CSMD1: variants seen among roughly 807,000 people sequenced by gnomAD.
CSMD1 encodes the protein CUB and Sushi multiple domains 1.
In CSMD1, 213 loss-of-function variants were observed where a neutral mutation model predicts 417.5. That is an observed-to-expected ratio of 0.51 (90% CI 0.46 to 0.57). The LOEUF (loss-of-function observed/expected upper bound fraction) is 0.57. Among genes scored for constraint, CSMD1 ranks in the 20% least tolerant of loss-of-function variants. The probability of loss-of-function intolerance (pLI) is 0.00; values close to 1 mark genes in which losing one functional copy is unlikely to be tolerated. For missense variants in CSMD1, 6,923 were observed against 4,529.7 expected, an observed-to-expected ratio of 1.53 and a Z score of -15.17; for synonymous variants, 2,862 against 1,736.8, an observed-to-expected ratio of 1.65 and a Z score of -16.11.
At chr8:3,446,774 G>A (rs1313201855) in intron 12 of CSMD1, among the ~76,000 whole-genome samples, 1 of 152,210 alleles carries the variant, frequency 6.6e-6, no homozygotes, top group Non-Finnish European at 1.5e-5. Context: ...GAATCCTGAC[G>A]TCGATGAAAT....
intron 5 of CSMD1, among the ~76,000 whole-genome samples, chr8:3,989,347 C>T (rs1264680789): frequency 6.6e-6 from 1 of 152,162 alleles, no homozygotes; most frequent in African/African-American, 2.4e-5. Context: ...CTTGGCTTAG[C>T]AACTATGCTT....
intron 6 of CSMD1, among the ~76,000 whole-genome samples, chr8:3,720,429 T>G (rs1802086417): frequency 6.6e-6 from 1 of 152,154 alleles, no homozygotes; most frequent in Admixed American, 6.6e-5. Flanking sequence ...TGTAAACTAT[T>G]TCCTTTAAGC....
chr8:3,275,066 C>G (rs141523919), intron 26 of CSMD1, among the ~76,000 whole-genome samples: 3 of 152,208 alleles, frequency 2.0e-5, no homozygotes, highest in East Asian at 3.9e-4. Context: ...GTGCCTGGTA[C>G]CTTTTGTTCC....
chr8:3,543,848 T>C (rs1488848680), intron 10 of CSMD1, among the ~76,000 whole-genome samples: 1 of 152,134 alleles, frequency 6.6e-6, no homozygotes, highest in African/African-American at 2.4e-5. Context: ...AGATGGATTG[T>C]ATTTGAAGCT....
intron 3 of CSMD1, among the ~76,000 whole-genome samples, chr8:4,087,855 T>G (rs1202189487): frequency 2.0e-5 from 3 of 152,306 alleles, no homozygotes; most frequent in Non-Finnish European, 4.4e-5. Context: ...CTACCTTACG[T>G]GACCTAGGTG....
chr8:3,067,417 G>C (rs1813008640), intron 49 of CSMD1, among the ~76,000 whole-genome samples: 1 of 152,036 alleles, frequency 6.6e-6, no homozygotes, highest in Non-Finnish European at 1.5e-5. Context: ...TTTCAAGTTG[G>C]AGGAGATTAT....
chr8:4,350,948 C>G (rs141861084), intron 3 of CSMD1, among the ~76,000 whole-genome samples: 66 of 152,258 alleles, frequency 4.3e-4, no homozygotes, highest in African/African-American at 1.6e-3. Context: ...TACTTGCTTT[C>G]TGCAAGTCAT....
At chr8:4,135,965 T>G (rs1803406751) in intron 3 of CSMD1, among the ~76,000 whole-genome samples, 1 of 152,150 alleles carries the variant, frequency 6.6e-6, no homozygotes, top group Non-Finnish European at 1.5e-5. Context: ...TTAAGTCAAA[T>G]ACTGTGGAAG....
chr8:3,439,309 A>ATATATATATATATATTTTTT lies in CSMD1; in HGVS notation c.1561+29402_1561+29403insAAAAAATATATATATATATA. Among the ~76,000 whole-genome samples, 44 of 62,410 alleles carry ATATATATATATATATTTTTT rather than the reference A, an allele frequency of 7.1e-4. 1 individual carries two copies. The highest frequency in any genetic ancestry group is 8.1e-4 in the Non-Finnish European group (28 of 34,774). 40.9% of individuals were successfully genotyped at this position (62,410 alleles called of 152,430 possible). On this transcript the variant is annotated intron_variant, in intron 12 of 69. Transcript: ENST00000635120. ...TATATATATATATATATATATATAT[A>ATATATATATATATATTTTTT]TTTTTTTTTTTAATATGTATTTTTA...
chr8:4,358,928 T>G (rs1337405524), intron 3 of CSMD1, among the ~76,000 whole-genome samples: 2 of 151,988 alleles, frequency 1.3e-5, no homozygotes, highest in African/African-American at 2.4e-5. Flanking sequence ...AAAAACTGAA[T>G]AATTAGTACA....
chr8:4,217,095 GC>G (rs1475982285), intron 3 of CSMD1, among the ~76,000 whole-genome samples: 1 of 152,170 alleles, frequency 6.6e-6, no homozygotes, highest in Non-Finnish European at 1.5e-5. Flanking sequence ...GTAGATAGGG[GC>G]TGACATTTTA....
chr8:3,776,989 C>T (rs1465113138), intron 5 of CSMD1, among the ~76,000 whole-genome samples: 2 of 151,926 alleles, frequency 1.3e-5, no homozygotes, highest in South Asian at 2.1e-4. Context: ...GCTGGGATTA[C>T]ATGCATGACC....
chr8:3,052,063 T>C (rs550200668), intron 50 of CSMD1, among the ~76,000 whole-genome samples: 2 of 152,276 alleles, frequency 1.3e-5, no homozygotes, highest in African/African-American at 4.8e-5. Flanking sequence ...TCAAAGAACT[T>C]AAAATTATAT....
intron 6 of CSMD1, among the ~76,000 whole-genome samples, chr8:3,734,981 C>T (rs944080384): frequency 6.6e-6 from 1 of 152,188 alleles, no homozygotes; most frequent in East Asian, 1.9e-4. Context: ...AGAGCAATAG[C>T]TCCCCTGTGG....
At chr8:3,037,369 C>A (rs1810759860) in intron 50 of CSMD1, among the ~76,000 whole-genome samples, 1 of 135,316 alleles carries the variant, frequency 7.4e-6, no homozygotes. Context: ...CCAAGCCCAG[C>A]TAATTTTTTT....
At chr8:3,549,378 G>A (rs1287956568) in intron 10 of CSMD1, among the ~76,000 whole-genome samples, 1 of 152,158 alleles carries the variant, frequency 6.6e-6, no homozygotes, top group African/African-American at 2.4e-5. Flanking sequence ...ACAGATCTAG[G>A]CCTTATTCTA....
At chr8:4,222,764 GT>G (rs1286521108) in intron 3 of CSMD1, among the ~76,000 whole-genome samples, 4 of 152,150 alleles carry the variant, frequency 2.6e-5, no homozygotes, top group African/African-American at 9.7e-5. Flanking sequence ...GGAGGTTATA[GT>G]TTAGCTCACC....
At chr8:4,173,991 T>A (rs1482042584) in intron 3 of CSMD1, among the ~76,000 whole-genome samples, 1 of 152,158 alleles carries the variant, frequency 6.6e-6, no homozygotes, top group African/African-American at 2.4e-5. Flanking sequence ...GCAAAGGATA[T>A]GTGACCATGC....
rs1585089605 is a variant in CSMD1, at chr8:3,387,529, T to G, written c.2747A>C (p.Asn916Thr). Reference protein sequence around the residue: ...SDDEPLVCERNHQWNHALPSC... With the variant: ...SDDEPLVCERTHQWNHALPSC... The stretch of plus-strand genomic sequence containing the variant: ...GGGCAAGGCGTGGTTCCACTGGTGG[T>G]TCCTCTCACAGACGAGGGGCTCGTC... The change falls in exon 18 of 70, where the codon AAC (asparagine) becomes ACC (threonine). Residue 916 changes from asparagine to threonine, a missense_variant. Transcript: ENST00000635120. The G allele has an allele frequency of 1.9e-6, 3 of 1,602,492 alleles. No individual in the cohort carries two copies. The highest frequency in any genetic ancestry group is 1.7e-6 in the Non-Finnish European group (2 of 1,174,528).
Sources: allele counts gnomAD v4.1 joint callset (sites outside exome capture counted in the v4.1 genomes callset), GRCh38; gene constraint gnomAD v4.1.1; transcripts MANE v1.5; gene names NCBI Gene and HGNC (gene_info 2026-07-23, HGNC 2026-07-21).